The following SLC30A8 variants were observed in gnomAD, a reference collection of about 807,000 sequenced individuals.
SLC30A8 encodes the protein solute carrier family 30 member 8.
Under a neutral mutation model 36.9 loss-of-function variants are expected in SLC30A8, and 27 were observed. That is an observed-to-expected ratio of 0.73 (90% CI 0.54 to 1.01). The LOEUF is 1.01. Among genes scored for constraint, SLC30A8 ranks in the 50% least tolerant of loss-of-function variants. SLC30A8 has a pLI of 0.00. For missense variants in SLC30A8, 439 were observed against 452.0 expected (o/e 0.97, Z 0.26); for synonymous variants, 164 against 172.4 (o/e 0.95, Z 0.38).
At chr8:116,991,553 C>CTTGG (rs1332468097) in intron 1 of SLC30A8, among the ~76,000 whole-genome samples, 1 of 152,156 alleles carries the variant, frequency 6.6e-6, no homozygotes, top group Non-Finnish European at 1.5e-5. Context: ...GATCGCCCAT[C>CTTGG]TTGGTCTCCC....
chr8:117,143,266 A>G (rs1253601911), intron 1 of SLC30A8, among the ~76,000 whole-genome samples: 2 of 152,032 alleles, frequency 1.3e-5, no homozygotes, highest in East Asian at 3.9e-4. Context: ...ACTGGCATCA[A>G]ATTTTCTAAT....
chr8:117,173,828 T>C lies in SLC30A8; in HGVS notation c.*1147T>C, dbSNP rs1477474817. On this transcript the variant is annotated 3_prime_UTR_variant, in exon 8 of 8. Transcript: ENST00000456015. ...TGAGTGGGACAGCTAGACACATACA[T>C]TGGCAGCTACAATAGTATCATGAAT... The C allele has an allele frequency of 6.6e-6, 1 of 152,084 alleles. No individual in the cohort carries two copies. The highest frequency in any genetic ancestry group is 2.4e-5 in the African/African-American group (1 of 41,418). 9.4% of individuals were successfully genotyped at this position (152,084 alleles called of 1,614,324 possible).
Position 117,163,458 on chromosome 8 carries a change from T to C in SLC30A8, c.757T>C (p.Phe253Leu). 6.2e-7 allele frequency: 1 copy of C among 1,613,686 alleles called. No individual in the cohort carries two copies. ...TAAAATAGCCGACCCAATCTGCACA[T>C]TCATCTTTTCCATCCTGGTCTTGGC... ...EYKIADPICT[F>L]IFSILVLAST... is the part of the protein sequence containing the mutation. The change falls in exon 6 of 8, where the codon TTC (phenylalanine) becomes CTC (leucine). Residue 253 changes from phenylalanine (F) to leucine (L), a missense_variant. Physicochemically the swap from Phe to Leu is conservative, Grantham distance 22. Coordinates refer to ENST00000456015, the MANE Select transcript of SLC30A8 (RefSeq NM_173851.3).
chr8:117,066,187 G>A (rs1818164436), intron 2 of SLC30A8, among the ~76,000 whole-genome samples: 1 of 152,194 alleles, frequency 6.6e-6, no homozygotes, highest in African/African-American at 2.4e-5. Context: ...ACTGGGCAGT[G>A]AATGCAAGTA....
upstream of SLC30A8, among the ~76,000 whole-genome samples, chr8:117,130,881 A>G (rs1821107619): frequency 6.6e-6 from 1 of 151,936 alleles, no homozygotes; most frequent in African/African-American, 2.4e-5. Flanking sequence ...CTTCATAAAC[A>G]CTTCAAGCAG....
At chr8:117,003,070 A>G (rs1816064546) in intron 1 of SLC30A8, among the ~76,000 whole-genome samples, 1 of 152,192 alleles carries the variant, frequency 6.6e-6, no homozygotes, top group South Asian at 2.1e-4. Context: ...AAGAGAAATG[A>G]CAGATATCTA....
intron 1 of SLC30A8, among the ~76,000 whole-genome samples, chr8:117,037,519 G>A (rs918528566): frequency 2.0e-5 from 3 of 152,066 alleles, no homozygotes; most frequent in Admixed American, 6.6e-5. Context: ...CTCACCCACC[G>A]CTTAAGCCAG....
At chr8:117,092,032 G>A (rs184605291) in intron 2 of SLC30A8, among the ~76,000 whole-genome samples, 1 of 152,144 alleles carries the variant, frequency 6.6e-6, no homozygotes, top group East Asian at 1.9e-4. Context: ...TGACATAGAA[G>A]GAATGGGAAA....
intron 2 of SLC30A8, among the ~76,000 whole-genome samples, chr8:117,104,553 C>T (rs2130864881): frequency 6.6e-6 from 1 of 152,212 alleles, no homozygotes; most frequent in Admixed American, 6.5e-5. Context: ...CCCTACAGTC[C>T]TCCTTCTTTA....
chr8:117,114,759 TAGC>T (rs1194523404), intron 2 of SLC30A8, among the ~76,000 whole-genome samples: 1 of 152,086 alleles, frequency 6.6e-6, no homozygotes, highest in Admixed American at 6.6e-5. Flanking sequence ...AAATATTCCA[TAGC>T]AGTGTGAAAA....
At chr8:116,959,070 C>G (rs898518229) in intron 1 of SLC30A8, among the ~76,000 whole-genome samples, 2 of 151,852 alleles carry the variant, frequency 1.3e-5, no homozygotes, top group African/African-American at 2.4e-5. Flanking sequence ...GGGATGGTCT[C>G]GATCTCCTGA....
chr8:117,036,574 C>T (rs1003256443), intron 1 of SLC30A8, among the ~76,000 whole-genome samples: 6 of 151,920 alleles, frequency 3.9e-5, no homozygotes, highest in Non-Finnish European at 7.4e-5. Flanking sequence ...CCAATCATGG[C>T]GGAAGGGGAA....
intron 1 of SLC30A8, among the ~76,000 whole-genome samples, chr8:116,958,801 A>T (rs1814307549): frequency 7.1e-6 from 1 of 141,254 alleles, no homozygotes; most frequent in Non-Finnish European, 1.5e-5. Context: ...TGTATATTAG[A>T]CCTCTTGAAG....
At chr8:116,969,038 A>G (rs1187423083) in intron 1 of SLC30A8, among the ~76,000 whole-genome samples, 4 of 152,118 alleles carry the variant, frequency 2.6e-5, no homozygotes, top group South Asian at 4.1e-4. Context: ...CCAGCCCACA[A>G]TGACTATTTC....
chr8:116,980,062 A>G (rs1160401873), intron 1 of SLC30A8, among the ~76,000 whole-genome samples: 1 of 152,178 alleles, frequency 6.6e-6, no homozygotes, highest in Non-Finnish European at 1.5e-5. Flanking sequence ...TATGGATGTG[A>G]TTCCTTGATC....
intron 2 of SLC30A8, among the ~76,000 whole-genome samples, chr8:117,084,838 A>G (rs1323023761): frequency 6.6e-6 from 1 of 152,142 alleles, no homozygotes; most frequent in Non-Finnish European, 1.5e-5. Context: ...CCTCATGTGA[A>G]TGGAATTTTG....
chr8:117,027,919 A>C (rs1816921838), intron 1 of SLC30A8, among the ~76,000 whole-genome samples: 1 of 152,136 alleles, frequency 6.6e-6, no homozygotes, highest in Non-Finnish European at 1.5e-5. Flanking sequence ...CAAGCTCTCT[A>C]AGCCTAAGCT....
chr8:117,019,892 A>G (rs1816646796), intron 1 of SLC30A8, among the ~76,000 whole-genome samples: 1 of 152,238 alleles, frequency 6.6e-6, no homozygotes, highest in African/African-American at 2.4e-5. Flanking sequence ...GAGTGTAGCA[A>G]GTGAGGCCCT....
At chr8:117,075,227 T>C (rs1159416424) in intron 2 of SLC30A8, among the ~76,000 whole-genome samples, 1 of 123,532 alleles carries the variant, frequency 8.1e-6, no homozygotes, top group Non-Finnish European at 2.0e-5. Context: ...TTAAGAATTA[T>C]ATTTCATAGG....
Sources: gnomAD v4.1 joint callset for allele counts (sites outside exome capture counted in the v4.1 genomes callset) on GRCh38, gnomAD v4.1.1 for gene constraint, MANE v1.5 for transcripts, NCBI Gene and HGNC (gene_info 2026-07-23, HGNC 2026-07-21) for gene names.